Variants in KCNV2 observed in about 807,000 individuals in gnomAD.
The protein encoded by KCNV2 is potassium voltage-gated channel modifier subfamily V member 2, also known as potassium voltage-gated channel subfamily V member 2.
Under a neutral mutation model 37.0 loss-of-function variants are expected in KCNV2, and 65 were observed. The ratio of observed to expected loss-of-function variants is 1.76; its 90% CI spans 1.44 to 2.16. The LOEUF (loss-of-function observed/expected upper bound fraction) is 2.16. Among genes scored for constraint, KCNV2 ranks in the 30% most tolerant of loss-of-function variants. The pLI is 0.00. For synonymous variants in KCNV2, 518 were observed against 328.6 expected, an observed-to-expected ratio of 1.58 and a Z score of -6.23; for missense variants, 1,232 against 766.7, an observed-to-expected ratio of 1.61 and a Z score of -7.17.
intron 1 of KCNV2, among the ~76,000 whole-genome samples, chr9:2,725,199 T>G (rs1391443762): frequency 6.6e-6 from 1 of 152,224 alleles, no homozygotes. Context: ...CATTTGTGGC[T>G]TTGCTTTAGC....
chr9:2,717,592 C>T lies in KCNV2; in HGVS notation c.-148C>T. The T allele has an allele frequency of 2.0e-6, 2 of 988,304 alleles. No individual in the cohort carries two copies. The highest frequency in any genetic ancestry group is 2.1e-5 in the Admixed American group (1 of 47,868). 61.2% of individuals were successfully genotyped at this position (988,304 alleles called of 1,614,324 possible). A position where few individuals can be genotyped will look rare whatever the true frequency, so the allele number is the denominator to read the frequency against. On this transcript the variant is annotated 5_prime_UTR_variant, in exon 1 of 2. Transcript: ENST00000382082. ...ACCTGAGAAGGGGCAGCTCCGGTGG[C>T]AATGTCTGAGCCCCTAGCTGTGCTG...
At chr9:2,724,372 G>C (rs767751534) in intron 1 of KCNV2, among the ~76,000 whole-genome samples, 1 of 152,112 alleles carries the variant, frequency 6.6e-6, no homozygotes, top group Non-Finnish European at 1.5e-5. Flanking sequence ...TTAGGTTGCA[G>C]TCAGGAAAAT....
At chr9:2,719,437 G>A (rs1819821476) in intron 1 of KCNV2, among the ~76,000 whole-genome samples, 2 of 152,000 alleles carry the variant, frequency 1.3e-5, no homozygotes, top group African/African-American at 2.4e-5. Flanking sequence ...TTATCTCATT[G>A]TGGCATCACA....
At position 2,729,669 on chromosome 9, in the gene KCNV2, A is replaced by G. The variant is rs750165805; in HGVS notation, c.1580A>G (p.Lys527Arg). The G allele has an allele frequency of 5.6e-6, 9 of 1,614,046 alleles. No individual in the cohort carries two copies. In the Admixed American group the frequency reaches 1.5e-4, roughly 27 times the overall value. The part of the protein sequence containing the change: ...EVNFMQRARK[K>R]IAECLLGSNP... ...AACTTCATGCAGAGAGCCAGAAAGA[A>G]GATAGCTGAGTGTTTGCTTGGAAGC... Residue 527 changes from lysine to arginine, a missense_variant, in exon 2 of 2, where the codon AAG becomes AGG. Transcript: ENST00000382082.
At chr9:2,723,851 C>G (rs1419963027) in intron 1 of KCNV2, among the ~76,000 whole-genome samples, 1 of 152,192 alleles carries the variant, frequency 6.6e-6, no homozygotes, top group Admixed American at 6.5e-5. Flanking sequence ...TCTTGGGGCT[C>G]TCTGGATTGC....
In KCNV2 at chr9:2,718,422, A is replaced by C. The variant is rs765931716; in HGVS notation, c.683A>C (p.Glu228Ala). 1 of 1,605,066 alleles carries C rather than the reference A, an allele frequency of 6.2e-7. No individual in the cohort carries two copies. Among genetic ancestry groups the C allele is most frequent in the South Asian group, 1.1e-5 (1 of 89,972 alleles). ...HELRAQAQVE[E>A]AEELFRDMRF... ...CTGCGCGCGCAGGCGCAGGTCGAGG[A>C]GGCGGAGGAACTCTTCCGCGACATG... Residue 228 changes from glutamate to alanine, a missense_variant, in exon 1 of 2, where the codon GAG (glutamate) becomes GCG (alanine). Glu to Ala is a moderately radical substitution (Grantham distance 107, BLOSUM62 -1). Coordinates refer to ENST00000382082, the MANE Select transcript of KCNV2 (RefSeq NM_133497.4).
rs755848294 is a variant in KCNV2 at position 2,719,075 on chromosome 9, C to A, written c.1336C>A (p.His446Asn). The A allele has an allele frequency of 1.9e-6, 3 of 1,611,482 alleles. No homozygotes were observed. The South Asian group carries it at 3.3e-5, about 18-fold the overall frequency. Residue 446 changes from histidine to asparagine, a missense_variant, in exon 1 of 2, where the codon CAC (histidine) becomes AAC (asparagine). Transcript: ENST00000382082. ...CAGCACCAACTTCACTACCATCCCC[C>A]ACTCCTGGTGGTGGGCCGCGGTGAG... Reference protein sequence around the residue: ...VPSTNFTTIPHSWWWAAVSIS... With the variant: ...VPSTNFTTIPNSWWWAAVSIS...
chr9:2,724,049 G>A (rs1044813418), intron 1 of KCNV2, among the ~76,000 whole-genome samples: 5 of 151,012 alleles, frequency 3.3e-5, no homozygotes, highest in African/African-American at 1.2e-4. Flanking sequence ...GGAGGGCATG[G>A]GTATGTTTTC....
intron 1 of KCNV2, among the ~76,000 whole-genome samples, chr9:2,725,058 T>G (rs12352503): frequency 0.054 from 8,168 of 152,248 alleles, 754 homozygotes; most frequent in African/African-American, 0.19. Context: ...TGTTCCTCAT[T>G]TTAGCCAATA....
At chr9:2,724,472 G>A (rs1263298548) in intron 1 of KCNV2, among the ~76,000 whole-genome samples, 3 of 152,192 alleles carry the variant, frequency 2.0e-5, no homozygotes, top group African/African-American at 7.2e-5. Context: ...AAAGAAGACT[G>A]GAAAAGCAGA....
chr9:2,725,045 G>A (rs1259789277), intron 1 of KCNV2, among the ~76,000 whole-genome samples: 2 of 152,160 alleles, frequency 1.3e-5, no homozygotes, highest in Admixed American at 6.6e-5. Context: ...TGTCTTTAAA[G>A]TATGTTCCTC....
intron 1 of KCNV2, among the ~76,000 whole-genome samples, chr9:2,727,513 T>C (rs1192677017): frequency 6.6e-6 from 1 of 152,168 alleles, no homozygotes; most frequent in East Asian, 1.9e-4. Flanking sequence ...ACATCACCCC[T>C]TGGTCCAGAA....
rs566426805 is a variant in KCNV2 at position 2,718,826 on chromosome 9, G to A, written c.1087G>A (p.Gly363Ser). 2.5e-6 allele frequency: 4 copies of A among 1,609,866 alleles called. No homozygotes were observed. In the South Asian group the frequency reaches 3.3e-5, roughly 13 times the overall value. Residue 363 changes from glycine (G) to serine (S), a missense_variant, in exon 1 of 2, where the codon GGC becomes AGC. By Grantham distance (56) the Gly-to-Ser change is moderately conservative (BLOSUM62 0). Coordinates refer to ENST00000382082, the MANE Select transcript of KCNV2 (RefSeq NM_133497.4). ...ECFTGEGHQR[G>S]QTVGSVGKVG... Reference sequence around the variant, plus strand: ...CTTCACGGGCGAGGGCCACCAACGCGGCCAGACGGTGGGCAGCGTGGGTAA... The same window carrying A: ...CTTCACGGGCGAGGGCCACCAACGCAGCCAGACGGTGGGCAGCGTGGGTAA...
chr9:2,727,128 G>A (rs184412242), intron 1 of KCNV2, among the ~76,000 whole-genome samples: 7 of 152,208 alleles, frequency 4.6e-5, no homozygotes, highest in African/African-American at 1.7e-4. Flanking sequence ...TCATCCAGAG[G>A]TGTGAGTCAT....
chr9:2,726,822 C>T (rs1819976158), intron 1 of KCNV2, among the ~76,000 whole-genome samples: 1 of 152,160 alleles, frequency 6.6e-6, no homozygotes, highest in African/African-American at 2.4e-5. Context: ...GTCAGATCAA[C>T]CACAGCGTTA....
chr9:2,722,552 TATAA>T (rs1393635319), intron 1 of KCNV2, among the ~76,000 whole-genome samples: 6 of 145,276 alleles, frequency 4.1e-5, no homozygotes, highest in East Asian at 3.9e-4. Flanking sequence ...AGAAGTTATT[TATAA>T]ATAAATTAGA....
At position 2,723,045 on chromosome 9, in the gene KCNV2, G is replaced by A. The variant is rs564978930; in HGVS notation, c.1356+3950G>A. ...CAGGTTAGCCCACCCACCATAGGAG[G>A]GCACTGCAAAGTTATATGGCAAACA... On this transcript the variant is annotated intron_variant, in intron 1 of 1. Transcript: ENST00000382082. Among the ~76,000 whole-genome samples the A allele has an allele frequency of 2.9e-4, 44 of 152,204 alleles. No homozygotes were observed. The South Asian group carries it at 8.3e-3, about 29-fold the overall frequency.
Position 2,723,963 on chromosome 9 carries a change from CTTTT to C in KCNV2, c.1356+4880_1356+4883del, listed in dbSNP as rs35077369. ...GTGTGGGTATGGTTTTTTTCTTTTA[CTTTT>C]TTTTTTTTTTTAGCCTCAACATATG... On this transcript the variant is annotated intron_variant, in intron 1 of 1. Coordinates refer to ENST00000382082, the MANE Select transcript of KCNV2 (RefSeq NM_133497.4). Among the ~76,000 whole-genome samples, 368 of 116,512 alleles carry C rather than the reference CTTTT, an allele frequency of 3.2e-3. 4 individuals are homozygous for C. The highest frequency in any genetic ancestry group is 0.01 in the African/African-American group (342 of 32,666). 76.4% of individuals were successfully genotyped at this position (116,512 alleles called of 152,430 possible).
chr9:2,719,131 C>A (rs1270679145), intron 1 of KCNV2, 36 bp downstream of exon 1: 2 of 1,600,500 alleles, frequency 1.2e-6, no homozygotes, highest in Non-Finnish European at 1.7e-6. Flanking sequence ...CCATCCTCTT[C>A]CCCAGCCCAG....
Sources: allele counts gnomAD v4.1 joint callset (sites outside exome capture counted in the v4.1 genomes callset), GRCh38; gene constraint gnomAD v4.1.1; transcripts MANE v1.5; gene names NCBI Gene and HGNC (gene_info 2026-07-23, HGNC 2026-07-21).